The following GABRG2 variants were observed in gnomAD, a reference collection of about 807,000 sequenced individuals.
GABRG2 encodes gamma-aminobutyric acid receptor subunit gamma-2.
GABRG2 carries 16 observed loss-of-function variants against 56.4 expected under a neutral mutation model. The observed-to-expected ratio is 0.28, with a 90% confidence interval of 0.19 to 0.43. The LOEUF is 0.43. GABRG2 is among the 20% of genes least tolerant of loss of function. The probability of loss-of-function intolerance (pLI) is 1.00; values close to 1 mark genes in which losing one functional copy is unlikely to be tolerated. For missense variants in GABRG2, 327 were observed against 582.7 expected, an observed-to-expected ratio of 0.56 and a Z score of 4.52; for synonymous variants, 208 against 205.5, an observed-to-expected ratio of 1.01 and a Z score of -0.10.
intron 2 of GABRG2, chr5:162,094,348 C>T (rs990234624): frequency 3.5e-6 from 1 of 286,212 alleles, no homozygotes; most frequent in East Asian, 9.2e-5. Context: ...TTTTGTGTAA[C>T]AAACAACCAG....
At chr5:162,078,369 C>CTATATATATATATATATATA (rs774147866) in intron 1 of GABRG2, among the ~76,000 whole-genome samples, 2 of 53,888 alleles carry the variant, frequency 3.7e-5, no homozygotes, top group African/African-American at 1.6e-4. Context: ...GAGCATCTTA[C>CTATATATATATATATATATA]TATATATATA....
rs1487887425 is a variant in GABRG2, at chr5:162,105,337, A to G, written c.769+1311A>G. Among the ~76,000 whole-genome samples the G allele has an allele frequency of 3.3e-5, 5 of 152,122 alleles. No homozygotes were observed. In the East Asian group the frequency reaches 9.6e-4, roughly 29 times the overall value. On this transcript the variant is annotated intron_variant, in intron 6 of 9. Transcript: ENST00000639213. ...TTTTATTTGGAAAAAAGAATCTGAA[A>G]GAAGGTCATAGTAATGCTTGAGTAT...
At chr5:162,133,906 G>A (rs1429011420) in intron 6 of GABRG2, among the ~76,000 whole-genome samples, 2 of 152,116 alleles carry the variant, frequency 1.3e-5, no homozygotes, top group East Asian at 3.9e-4. Flanking sequence ...CTTTTGTTGA[G>A]GCAGAGGCAG....
chr5:162,143,214 A>G (rs1218302060), intron 7 of GABRG2, among the ~76,000 whole-genome samples: 1 of 152,172 alleles, frequency 6.6e-6, no homozygotes. Flanking sequence ...TCTAGAGTTA[A>G]TTGTTACACA....
chr5:162,122,261 T>C (rs1352885437), intron 6 of GABRG2, among the ~76,000 whole-genome samples: 1 of 151,960 alleles, frequency 6.6e-6, no homozygotes, highest in Non-Finnish European at 1.5e-5. Flanking sequence ...GGAAGTTGAA[T>C]ACTTAAACGC....
intron 6 of GABRG2, among the ~76,000 whole-genome samples, chr5:162,117,984 G>A (rs556170525): frequency 2.0e-5 from 3 of 152,152 alleles, no homozygotes; most frequent in South Asian, 2.1e-4. Flanking sequence ...GTAAACTTGC[G>A]ACAAATTTTT....
chr5:162,132,971 C>G (rs1763862660), intron 6 of GABRG2, among the ~76,000 whole-genome samples: 1 of 151,934 alleles, frequency 6.6e-6, no homozygotes, highest in Non-Finnish European at 1.5e-5. Context: ...TTGAACAAAA[C>G]AGCATAATTT....
chr5:162,130,331 G>A (rs1385325252), intron 6 of GABRG2, among the ~76,000 whole-genome samples: 2 of 151,818 alleles, frequency 1.3e-5, no homozygotes, highest in Admixed American at 1.3e-4. Context: ...AACATTTTGT[G>A]ATTTGACCTT....
rs751069405 is a variant in GABRG2 at position 162,142,157 on chromosome 5, G to A, written c.770-7G>A. On this transcript the variant is annotated splice_region_variant and splice_polypyrimidine_tract_variant and intron_variant, in intron 6 of 9. Coordinates refer to ENST00000639213, the MANE Select transcript of GABRG2 (RefSeq NM_198904.4). ...GGTTGTATGGTGTTATCTTTGGTCT[G>A]TTCCAGGAGATTATGTGGTCATGTC... 3 of 1,613,820 alleles carry A rather than the reference G, an allele frequency of 1.9e-6. No homozygotes were observed. Among genetic ancestry groups the A allele is most frequent in the Admixed American group, 3.3e-5 (2 of 59,994 alleles).
At position 162,069,750 on chromosome 5, in the gene GABRG2, A is replaced by G. The variant is rs1758520291; in HGVS notation, c.107+1644A>G. On this transcript the variant is annotated intron_variant, in intron 1 of 9. Transcript: ENST00000639213. ...TGGAAACAGTCTTATATGTAATACAATTTGGTGAAATCCTGAAAAAAGTAA... is the reference window on the plus strand; with the variant it reads ...TGGAAACAGTCTTATATGTAATACAGTTTGGTGAAATCCTGAAAAAAGTAA... Among the ~76,000 whole-genome samples the G allele has an allele frequency of 2.6e-5, 4 of 152,228 alleles. 1 individual carries two copies. In the South Asian group the frequency reaches 8.3e-4, roughly 31 times the overall value.
intron 6 of GABRG2, among the ~76,000 whole-genome samples, chr5:162,130,848 G>C (rs1561654747): frequency 6.6e-6 from 1 of 151,938 alleles, no homozygotes; most frequent in Non-Finnish European, 1.5e-5. Context: ...GCATACACTT[G>C]CTTGGAATAG....
intron 1 of GABRG2, among the ~76,000 whole-genome samples, chr5:162,083,903 A>C (rs1180666174): frequency 6.6e-6 from 1 of 151,898 alleles, no homozygotes; most frequent in Admixed American, 6.6e-5. Context: ...TTTTTCATAA[A>C]ACAAAGTATT....
At chr5:162,116,639 G>A (rs556798565) in intron 6 of GABRG2, among the ~76,000 whole-genome samples, 2 of 152,006 alleles carry the variant, frequency 1.3e-5, no homozygotes, top group South Asian at 4.1e-4. Context: ...TTTGTAGGCA[G>A]GGGAAGCAAA....
At chr5:162,144,639 A>G (rs192409425) in intron 7 of GABRG2, among the ~76,000 whole-genome samples, 27 of 152,270 alleles carry the variant, frequency 1.8e-4, no homozygotes, top group Non-Finnish European at 2.9e-5. Context: ...TGAGCTAAGG[A>G]AGTAGAGGTG....
chr5:162,090,576 A>G (rs922599264), intron 1 of GABRG2, among the ~76,000 whole-genome samples: 1 of 152,160 alleles, frequency 6.6e-6, no homozygotes, highest in Non-Finnish European at 1.5e-5. Context: ...ATGAATATTT[A>G]CAAAGACGAA....
At chr5:162,151,923 C>G in intron 9 of GABRG2, 170 bp downstream of exon 9, 1 of 579,526 alleles carries the variant, frequency 1.7e-6, no homozygotes, top group South Asian at 2.5e-5. Context: ...CAACTATACA[C>G]TAATTCACAT....
At chr5:162,146,586 A>AT (rs1187126531) in intron 7 of GABRG2, among the ~76,000 whole-genome samples, 3 of 152,168 alleles carry the variant, frequency 2.0e-5, no homozygotes, top group Non-Finnish European at 4.4e-5. Context: ...TATACTATGC[A>AT]TTGGCTCACT....
intron 1 of GABRG2, among the ~76,000 whole-genome samples, chr5:162,082,544 T>C (rs1759749558): frequency 6.6e-6 from 1 of 151,734 alleles, no homozygotes; most frequent in African/African-American, 2.4e-5. Context: ...TTTTGGACTT[T>C]CCAAAATGGG....
At chr5:162,068,288 G>A (rs1758385424) in intron 1 of GABRG2, among the ~76,000 whole-genome samples, 182 bp downstream of exon 1, 1 of 152,080 alleles carries the variant, frequency 6.6e-6, no homozygotes, top group Non-Finnish European at 1.5e-5. Flanking sequence ...GGTCACTTTC[G>A]TTAATGTATT....
Sources: allele counts gnomAD v4.1 joint callset (sites outside exome capture counted in the v4.1 genomes callset), GRCh38; gene constraint gnomAD v4.1.1; transcripts MANE v1.5; gene names NCBI Gene and HGNC (gene_info 2026-07-23, HGNC 2026-07-21).